Variants in AGR3 observed in about 807,000 individuals in gnomAD.
AGR3 encodes anterior gradient protein 3.
A neutral mutation model predicts 24.5 loss-of-function variants in AGR3; 37 were observed. That is an observed-to-expected ratio of 1.51 (90% CI 1.16 to 1.99). AGR3 has a LOEUF of 1.99. Ranked by LOEUF, AGR3 falls within the 30% of genes most tolerant of loss-of-function variation. The pLI is 0.00. For missense variants in AGR3, 228 were observed against 191.1 expected (o/e 1.19, Z -1.14); for synonymous variants, 75 against 61.6 (o/e 1.22, Z -1.02).
At chr7:16,860,135 C>T (rs561083033) in intron 7 of AGR3, among the ~76,000 whole-genome samples, 10 of 151,912 alleles carry the variant, frequency 6.6e-5, no homozygotes, top group Non-Finnish European at 1.3e-4. Flanking sequence ...TAAGACTGTA[C>T]CTCCTTGCTT....
At chr7:16,857,560 A>T (rs1781571093), downstream of AGR3, among the ~76,000 whole-genome samples, 1 of 152,332 alleles carries the variant, frequency 6.6e-6, no homozygotes, top group Non-Finnish European at 1.5e-5. Flanking sequence ...TCATATGTTA[A>T]ACTATTAAAT....
At chr7:16,864,867 A>C in intron 3 of AGR3, 1 of 866,220 alleles carries the variant, frequency 1.2e-6, no homozygotes. Context: ...TCCAGTCACC[A>C]CTGAGGATAC....
chr7:16,876,234 C>CA (rs1781984410), intron 2 of AGR3, among the ~76,000 whole-genome samples: 1 of 152,162 alleles, frequency 6.6e-6, no homozygotes, highest in Admixed American at 6.5e-5. Context: ...TTTAAATGCA[C>CA]TTCATGGCTT....
chr7:16,865,181 A>G (rs1781731094), intron 3 of AGR3: 3 of 744,530 alleles, frequency 4.0e-6, no homozygotes, highest in South Asian at 1.6e-5. Context: ...CAAAAACCCT[A>G]TCAGTTTTTT....
At chr7:16,856,692 T>C (rs1303949502), downstream of AGR3, among the ~76,000 whole-genome samples, 2 of 152,198 alleles carry the variant, frequency 1.3e-5, no homozygotes, top group Admixed American at 6.5e-5. Flanking sequence ...GTGCATACTA[T>C]TTCAGGTAGT....
downstream of AGR3, among the ~76,000 whole-genome samples, chr7:16,855,745 T>C (rs1306632941): frequency 6.6e-6 from 1 of 152,226 alleles, no homozygotes; most frequent in Non-Finnish European, 1.5e-5. Context: ...ATAATTGCTT[T>C]TTAAGAAGTA....
intron 2 of AGR3, among the ~76,000 whole-genome samples, chr7:16,877,363 A>G (rs936549140): frequency 6.7e-6 from 1 of 148,334 alleles, no homozygotes; most frequent in Non-Finnish European, 1.5e-5. Flanking sequence ...TATCAGAGGT[A>G]GGAACAGAAT....
intron 3 of AGR3, among the ~76,000 whole-genome samples, chr7:16,869,712 C>A (rs1214067347): frequency 1.4e-5 from 2 of 144,126 alleles, no homozygotes; most frequent in Non-Finnish European, 3.0e-5. Flanking sequence ...GCAGGGGGAA[C>A]CTGTTTTTTA....
intron 3 of AGR3, 39 bp downstream of exon 3, chr7:16,873,741 A>G (rs767405424): frequency 3.4e-6 from 5 of 1,472,050 alleles, no homozygotes; most frequent in East Asian, 2.3e-5. Flanking sequence ...TGAGTCTACT[A>G]CAAATAAAAG....
chr7:16,866,189 TA>T, intron 3 of AGR3: 1 of 532,146 alleles, frequency 1.9e-6, no homozygotes, highest in South Asian at 1.5e-5. Context: ...TATTCACACC[TA>T]ATGATGTGGC....
At chr7:16,865,752 T>C in intron 3 of AGR3, 1 of 754,690 alleles carries the variant, frequency 1.3e-6, no homozygotes, top group Non-Finnish European at 2.5e-6. Context: ...TAGGGAAACA[T>C]ATGGAAGCTT....
intron 1 of AGR3, among the ~76,000 whole-genome samples, chr7:16,880,100 CTT>C (rs1429985764): frequency 2.9e-5 from 4 of 137,654 alleles, no homozygotes; most frequent in African/African-American, 1.1e-4. Context: ...TCCTTCCTTC[CTT>C]CCTTCTTTCC....
chr7:16,870,414 G>A (rs1335544331), intron 3 of AGR3, among the ~76,000 whole-genome samples: 1 of 150,460 alleles, frequency 6.6e-6, no homozygotes, highest in Non-Finnish European at 1.5e-5. Context: ...TAGTACTTCA[G>A]AAAAATGTTA....
intron 2 of AGR3, among the ~76,000 whole-genome samples, chr7:16,877,630 G>A (rs887332853): frequency 5.9e-5 from 9 of 151,800 alleles, no homozygotes; most frequent in African/African-American, 1.5e-4. Flanking sequence ...TTGGGAGGCC[G>A]AGGCGGGCGG....
intron 3 of AGR3, among the ~76,000 whole-genome samples, chr7:16,866,791 T>C (rs550351848): frequency 2.6e-5 from 4 of 152,296 alleles, no homozygotes; most frequent in African/African-American, 9.6e-5. Context: ...ACCTTTTTCT[T>C]GTTAATATAT....
rs368174881 is a variant in AGR3 at position 16,876,383 on chromosome 7, C to T, written c.109+2127G>A. 1.2e-4 allele frequency among the ~76,000 whole-genome samples: 18 copies of T among 152,214 alleles called. No homozygotes were observed. The South Asian group carries it at 3.7e-3, about 32-fold the overall frequency. ...TCACTGGACTAGGTACTCAGCAATT[C>T]TGATTCAAAGGAAATTGGATTTTTT... On this transcript the variant is annotated intron_variant, in intron 2 of 7. Coordinates refer to ENST00000310398, the MANE Select transcript of AGR3 (RefSeq NM_176813.5).
At chr7:16,864,364 C>A in intron 3 of AGR3, 1 of 1,320,474 alleles carries the variant, frequency 7.6e-7, no homozygotes, top group Non-Finnish European at 1.1e-6. Flanking sequence ...TTCACTGGCA[C>A]TATTCTGACT....
intron 5 of AGR3, 133 bp downstream of exon 5, chr7:16,861,851 A>G (rs894169282): frequency 1.3e-6 from 1 of 746,284 alleles, no homozygotes; most frequent in Non-Finnish European, 2.1e-6. Flanking sequence ...CTGTGAGCCC[A>G]GATTACGCCA....
chr7:16,871,969 G>T (rs1781874698), intron 3 of AGR3, among the ~76,000 whole-genome samples: 1 of 152,078 alleles, frequency 6.6e-6, no homozygotes, highest in African/African-American at 2.4e-5. Flanking sequence ...ACCAAAAAAT[G>T]GAAAGACATC....
Sources: allele counts gnomAD v4.1 joint callset (sites outside exome capture counted in the v4.1 genomes callset), GRCh38; gene constraint gnomAD v4.1.1; transcripts MANE v1.5; gene names NCBI Gene and HGNC (gene_info 2026-07-23, HGNC 2026-07-21).